Variants in CDK13 observed in about 807,000 individuals in gnomAD.
The protein encoded by CDK13 is cyclin-dependent kinase 13.
In CDK13, 40 loss-of-function variants were observed where a neutral mutation model predicts 137.6. The observed-to-expected ratio is 0.29, with a 90% CI of 0.23 to 0.38. The LOEUF (loss-of-function observed/expected upper bound fraction) is 0.38. CDK13 is among the 10% of genes least tolerant of loss of function. The pLI, the probability that CDK13 is intolerant of heterozygous loss-of-function variation, is 1.00. For synonymous variants in CDK13, 869 were observed against 760.1 expected, an observed-to-expected ratio of 1.14 and a Z score of -2.36; for missense variants, 1,704 against 1,951.8, an observed-to-expected ratio of 0.87 and a Z score of 2.39.
intron 7 of CDK13, 198 bp downstream of exon 7, chr7:40,048,075 A>C: frequency 2.5e-6 from 1 of 393,766 alleles, no homozygotes; most frequent in African/African-American, 2.0e-5. Flanking sequence ...CAATTTAAAA[A>C]TTGATCTTCA....
chr7:40,093,309 A>T, intron 13 of CDK13, 72 bp downstream of exon 13: 1 of 1,245,212 alleles, frequency 8.0e-7, no homozygotes. Flanking sequence ...GACTATATAT[A>T]ATGTGTATAG....
chr7:40,079,408 A>G (rs1786616061), intron 11 of CDK13, among the ~76,000 whole-genome samples: 1 of 151,206 alleles, frequency 6.6e-6, no homozygotes. Context: ...GACAAGAGCA[A>G]GACTCCGTCT....
intron 9 of CDK13, chr7:40,070,711 CAAAA>C (rs1416110716): frequency 1.3e-5 from 2 of 152,000 alleles, no homozygotes; most frequent in African/African-American, 4.8e-5. Context: ...GACTGTGTCT[CAAAA>C]AACAAAACAA....
chr7:39,958,537 A>G (rs1787497141), intron 1 of CDK13, among the ~76,000 whole-genome samples: 1 of 152,184 alleles, frequency 6.6e-6, no homozygotes. Flanking sequence ...ACAGGGATGT[A>G]TGATTTTTCC....
Position 40,096,085 on chromosome 7 carries a change from AAG to A in CDK13, c.*1108_*1109del, listed in dbSNP as rs992156852. The A allele has an allele frequency of 1.3e-5, 2 of 152,178 alleles. No individual in the cohort carries two copies. Among genetic ancestry groups the A allele is most frequent in the Admixed American group, 6.5e-5 (1 of 15,270 alleles). The allele number at this position is 152,178 out of a possible 1,614,324, so 9.4% of individuals were successfully genotyped here. On this transcript the variant is annotated 3_prime_UTR_variant, in exon 14 of 14. Transcript: ENST00000181839. ...AATTGGAGGGTCATGGTATAGAAGC[AAG>A]AGTTAATAACAGAACTTGCCTAAAT...
rs923708985 is a variant in CDK13 at position 39,951,510 on chromosome 7, C to T, written c.869C>T (p.Pro290Leu). ...CGGACTAAGTCGTCCAAGGAGCCGCCTTCGGCCTACAAGGAACCGCCCAAG... is the reference window on the plus strand; with the variant it reads ...CGGACTAAGTCGTCCAAGGAGCCGCTTTCGGCCTACAAGGAACCGCCCAAG... ...RSRTKSSKEP[P>L]SAYKEPPKAY... Residue 290 changes from proline (P) to leucine (L), a missense_variant, in exon 1 of 14, where the codon CCT becomes CTT. By Grantham distance (98) the Pro-to-Leu change is moderately conservative (BLOSUM62 -3). Coordinates refer to ENST00000181839, the MANE Select transcript of CDK13 (RefSeq NM_003718.5). 8 of 1,535,134 alleles carry T rather than the reference C, an allele frequency of 5.2e-6. No homozygotes were observed. Among genetic ancestry groups the T allele is most frequent in the Non-Finnish European group, 6.1e-6 (7 of 1,142,844 alleles).
At chr7:40,051,298 C>T (rs1480195247) in intron 7 of CDK13, among the ~76,000 whole-genome samples, 3 of 151,288 alleles carry the variant, frequency 2.0e-5, no homozygotes, top group Non-Finnish European at 4.4e-5. Context: ...CTGATTTCTT[C>T]AGAATCTCCT....
chr7:39,950,897 C>G lies in CDK13; in HGVS notation c.256C>G (p.Pro86Ala), dbSNP rs1787144190. The G allele has an allele frequency of 1.5e-6, 2 of 1,340,418 alleles. No individual in the cohort carries two copies. Among genetic ancestry groups the G allele is most frequent in the East Asian group, 3.1e-5 (1 of 32,410 alleles). The allele number at this position is 1,340,418 out of a possible 1,614,324, so 83.0% of individuals were successfully genotyped here. The change falls in exon 1 of 14, where the codon CCT (proline) becomes GCT (alanine). Residue 86 changes from proline to alanine, a missense_variant. Coordinates refer to ENST00000181839, the MANE Select transcript of CDK13 (RefSeq NM_003718.5). ...CTCCTCTTGCTTCAGCCCGGGCCCC[C>G]CTCTGGAGGTCAAGCGGCTGGCGAG... ...ASSSCFSPGP[P>A]LEVKRLARGK...
chr7:40,056,514 A>G (rs1004614089), intron 7 of CDK13, among the ~76,000 whole-genome samples: 1 of 152,202 alleles, frequency 6.6e-6, no homozygotes, highest in Non-Finnish European at 1.5e-5. Flanking sequence ...CCAAATGATA[A>G]TGGATTTTAT....
chr7:39,959,838 C>T (rs1787551587), intron 1 of CDK13, among the ~76,000 whole-genome samples: 1 of 76,652 alleles, frequency 1.3e-5, no homozygotes, highest in African/African-American at 6.1e-5. Context: ...TAGCTACTAA[C>T]TTGTTTTTTT....
chr7:40,073,606 T>A (rs1786472374), intron 9 of CDK13: 1 of 149,854 alleles, frequency 6.7e-6, no homozygotes, highest in Admixed American at 6.6e-5. Context: ...TTTTTTTTTT[T>A]ATTTGAGACA....
intron 1 of CDK13, among the ~76,000 whole-genome samples, chr7:39,978,257 A>G (rs916836116): frequency 2.0e-5 from 3 of 152,228 alleles, no homozygotes; most frequent in Non-Finnish European, 4.4e-5. Context: ...GATGAAAGGT[A>G]GTAGAAATAG....
rs533940192 is a variant in CDK13, at chr7:40,020,798, T to C, written c.2353+18767T>C. On this transcript the variant is annotated intron_variant, in intron 5 of 13. Coordinates refer to ENST00000181839, the MANE Select transcript of CDK13 (RefSeq NM_003718.5). The stretch of plus-strand genomic sequence containing the variant: ...TTTAAGGAATAGATTGCTTTAAATA[T>C]ATTAAAAAGTAGGGGTGGGCACGGT... Among the ~76,000 whole-genome samples, 17 of 152,306 alleles carry C rather than the reference T, an allele frequency of 1.1e-4. No homozygotes were observed. The South Asian group carries it at 2.3e-3, about 20-fold the overall frequency.
intron 5 of CDK13, among the ~76,000 whole-genome samples, chr7:40,032,057 C>T (rs1184774813): frequency 6.6e-6 from 1 of 151,728 alleles, no homozygotes; most frequent in Non-Finnish European, 1.5e-5. Context: ...AGAAGTTGTT[C>T]TTCGGTTGTT....
intron 5 of CDK13, among the ~76,000 whole-genome samples, chr7:40,018,250 A>G (rs1469459150): frequency 6.6e-6 from 1 of 152,084 alleles, no homozygotes; most frequent in African/African-American, 2.4e-5. Context: ...GCTGGAGAGT[A>G]AAAATTGTTA....
At chr7:40,029,581 G>A (rs1584011632) in intron 5 of CDK13, among the ~76,000 whole-genome samples, 2 of 151,940 alleles carry the variant, frequency 1.3e-5, no homozygotes, top group East Asian at 1.9e-4. Context: ...TTAGCTGGGC[G>A]TGATGGCGCG....
intron 1 of CDK13, among the ~76,000 whole-genome samples, chr7:39,953,070 T>A (rs548369257): frequency 3.9e-5 from 6 of 152,292 alleles, no homozygotes; most frequent in Non-Finnish European, 7.4e-5. Context: ...TTATGTGGAA[T>A]CTCAACATAA....
intron 7 of CDK13, among the ~76,000 whole-genome samples, chr7:40,052,175 A>ATTTG (rs113379192): frequency 0.65 from 98,345 of 151,728 alleles, 33,022 homozygotes; most frequent in African/African-American, 0.84. Context: ...GTGACACTTT[A>ATTTG]TTTGTTTATT....
chr7:40,021,451 C>T (rs1046937690), intron 5 of CDK13, among the ~76,000 whole-genome samples: 4 of 150,912 alleles, frequency 2.7e-5, no homozygotes, highest in Non-Finnish European at 4.4e-5. Flanking sequence ...AGCTGAGATC[C>T]TGCCACCGCA....
Sources: gnomAD v4.1 joint callset for allele counts (sites outside exome capture counted in the v4.1 genomes callset) on GRCh38, gnomAD v4.1.1 for gene constraint, MANE v1.5 for transcripts, NCBI Gene and HGNC (gene_info 2026-07-23, HGNC 2026-07-21) for gene names.